Variants in PRKCB observed in about 807,000 individuals in gnomAD.
PRKCB encodes the protein protein kinase C beta.
Under a neutral mutation model 81.5 loss-of-function variants are expected in PRKCB, and 13 were observed. The ratio of observed to expected loss-of-function variants is 0.16; its 90% CI spans 0.10 to 0.25. The LOEUF (loss-of-function observed/expected upper bound fraction) is 0.25. PRKCB is among the 10% of genes least tolerant of loss of function. The pLI, the probability that PRKCB is intolerant of heterozygous loss-of-function variation, is 1.00. For synonymous variants in PRKCB, 335 were observed against 321.4 expected (o/e 1.04, Z -0.45); for missense variants, 509 against 875.7 (o/e 0.58, Z 5.29).
intron 5 of PRKCB, among the ~76,000 whole-genome samples, chr16:24,048,181 C>T (rs1053195740): frequency 6.6e-6 from 1 of 152,216 alleles, no homozygotes; most frequent in South Asian, 2.1e-4. Flanking sequence ...AGGCACTGGG[C>T]GAAGCACGTT....
At chr16:24,078,155 C>A (rs1044480309) in intron 5 of PRKCB, among the ~76,000 whole-genome samples, 2 of 152,204 alleles carry the variant, frequency 1.3e-5, no homozygotes, top group African/African-American at 4.8e-5. Flanking sequence ...TCCAGGGACT[C>A]CATGTTAGTA....
intron 3 of PRKCB, among the ~76,000 whole-genome samples, chr16:23,999,234 G>T (rs1965000700): frequency 6.6e-6 from 1 of 152,210 alleles, no homozygotes; most frequent in African/African-American, 2.4e-5. Context: ...GGAGGAACTG[G>T]TGTGCAGCAA....
At chr16:23,992,501 C>T (rs962969893) in intron 3 of PRKCB, among the ~76,000 whole-genome samples, 1 of 152,122 alleles carries the variant, frequency 6.6e-6, no homozygotes, top group African/African-American at 2.4e-5. Flanking sequence ...CCAAGTGATT[C>T]GATATATGAT....
intron 2 of PRKCB, among the ~76,000 whole-genome samples, chr16:23,934,428 G>A (rs1389415383): frequency 6.6e-6 from 1 of 151,970 alleles, no homozygotes; most frequent in Non-Finnish European, 1.5e-5. Context: ...GGCTTTGTGG[G>A]CTGGAAAGGG....
chr16:23,843,942 C>G (rs1395467318), intron 2 of PRKCB, among the ~76,000 whole-genome samples: 8 of 152,128 alleles, frequency 5.3e-5, no homozygotes, highest in Non-Finnish European at 1.5e-5. Flanking sequence ...GTCTCTGTCT[C>G]TTTGTTTCCA....
intron 5 of PRKCB, among the ~76,000 whole-genome samples, chr16:24,073,259 G>A (rs538097221): frequency 1.8e-4 from 28 of 152,308 alleles, no homozygotes; most frequent in South Asian, 1.7e-3. Flanking sequence ...TGTTGTATTT[G>A]TAAGAACCTC....
intron 3 of PRKCB, among the ~76,000 whole-genome samples, chr16:24,008,065 A>C (rs1157570761): frequency 2.6e-5 from 4 of 152,088 alleles, no homozygotes; most frequent in African/African-American, 7.2e-5. Context: ...AACACTTTAC[A>C]TATAATAATT....
intron 2 of PRKCB, chr16:23,963,231 T>C (rs1418547776): frequency 6.6e-6 from 1 of 152,212 alleles, no homozygotes; most frequent in Non-Finnish European, 1.5e-5. Context: ...TGTTTTCTCA[T>C]CTCTAAAATG....
At chr16:23,838,794 G>C (rs72777913) in intron 2 of PRKCB, among the ~76,000 whole-genome samples, 1 of 152,022 alleles carries the variant, frequency 6.6e-6, no homozygotes, top group African/African-American at 2.4e-5. Context: ...TCGGGGTCCC[G>C]GTGGGCTCAG....
chr16:24,109,859 C>T (rs1443658246), intron 7 of PRKCB, among the ~76,000 whole-genome samples: 94 of 129,698 alleles, frequency 7.2e-4, no homozygotes, highest in African/African-American at 2.4e-3. Context: ...AATCCCGGCA[C>T]CTCAGGAGGC....
chr16:24,069,272 C>A lies in PRKCB; in HGVS notation c.530-23519C>A, dbSNP rs141934446. Among the ~76,000 whole-genome samples, 70 of 152,224 alleles carry A rather than the reference C, an allele frequency of 4.6e-4. No individual in the cohort carries two copies. In the East Asian group the frequency reaches 0.012, roughly 26 times the overall value. ...TGTTAGAGGACAGTTTGGTCCAGTC[C>A]CCATGTCCTGGGGCAAATGAAGCAG... On this transcript the variant is annotated intron_variant, in intron 5 of 16. Coordinates refer to ENST00000643927, the MANE Select transcript of PRKCB (RefSeq NM_002738.7).
At chr16:24,044,338 G>A (rs1435618930) in intron 5 of PRKCB, among the ~76,000 whole-genome samples, 54 of 152,028 alleles carry the variant, frequency 3.6e-4, no homozygotes, top group Admixed American at 3.5e-3. Flanking sequence ...CTACAGCCTG[G>A]GTGATAGAGT....
chr16:24,103,188 G>A (rs951545505), intron 7 of PRKCB, among the ~76,000 whole-genome samples: 1 of 152,184 alleles, frequency 6.6e-6, no homozygotes. Flanking sequence ...TAATGAACAA[G>A]CATTTAAGGG....
chr16:24,018,025 A>C (rs1278543588), intron 3 of PRKCB, among the ~76,000 whole-genome samples: 1 of 150,202 alleles, frequency 6.7e-6, no homozygotes, highest in Admixed American at 6.7e-5. Flanking sequence ...CAGCCTCCCG[A>C]GTAGCTGGGA....
chr16:23,920,011 G>T (rs1963801688), intron 2 of PRKCB, among the ~76,000 whole-genome samples: 1 of 152,134 alleles, frequency 6.6e-6, no homozygotes, highest in Admixed American at 6.6e-5. Flanking sequence ...TTTTGGCTAT[G>T]AACCCAGAAG....
chr16:23,905,987 T>G (rs145548771), intron 2 of PRKCB, among the ~76,000 whole-genome samples: 41 of 152,260 alleles, frequency 2.7e-4, no homozygotes, highest in African/African-American at 9.6e-4. Context: ...CTGTTGAGAG[T>G]CTTTAGCTAT....
At chr16:24,184,530 A>G (rs1967674258) in intron 13 of PRKCB, among the ~76,000 whole-genome samples, 1 of 152,232 alleles carries the variant, frequency 6.6e-6, no homozygotes, top group Non-Finnish European at 1.5e-5. Flanking sequence ...ACACATACAC[A>G]CAGAGTTTAA....
chr16:23,938,689 C>T (rs1399104030), intron 2 of PRKCB, among the ~76,000 whole-genome samples: 1 of 152,136 alleles, frequency 6.6e-6, no homozygotes, highest in Non-Finnish European at 1.5e-5. Context: ...TTTCATCTTT[C>T]ATTGTGGAAG....
At chr16:24,061,219 C>T (rs1965969211) in intron 5 of PRKCB, among the ~76,000 whole-genome samples, 1 of 152,096 alleles carries the variant, frequency 6.6e-6, no homozygotes, top group Non-Finnish European at 1.5e-5. Flanking sequence ...CATCACCACA[C>T]CCAGCTAATT....
Sources: gnomAD v4.1 joint callset for allele counts (sites outside exome capture counted in the v4.1 genomes callset) on GRCh38, gnomAD v4.1.1 for gene constraint, MANE v1.5 for transcripts, NCBI Gene and HGNC (gene_info 2026-07-23, HGNC 2026-07-21) for gene names.